The following IQCM variants were observed in gnomAD, a reference collection of about 807,000 sequenced individuals.
The protein encoded by IQCM is IQ domain-containing protein M.
In IQCM, 45 loss-of-function variants were observed where a neutral mutation model predicts 57.6. That is an observed-to-expected ratio of 0.78 (90% CI 0.62 to 1.00). IQCM has a LOEUF of 1.00. Ranked by LOEUF, IQCM falls within the 50% of genes least tolerant of loss-of-function variation. The pLI is 0.00. For missense variants in IQCM, 468 were observed against 511.6 expected, an observed-to-expected ratio of 0.91 and a Z score of 0.82; for synonymous variants, 148 against 158.9, an observed-to-expected ratio of 0.93 and a Z score of 0.51.
chr4:149,594,375 C>T (rs561378478), intron 8 of IQCM, among the ~76,000 whole-genome samples: 2 of 152,114 alleles, frequency 1.3e-5, no homozygotes, highest in African/African-American at 4.8e-5. Flanking sequence ...TGCTAGCGGT[C>T]TATCAATTTT....
intron 12 of IQCM, among the ~76,000 whole-genome samples, chr4:149,472,598 C>T (rs1326204605): frequency 2.6e-5 from 4 of 152,150 alleles, no homozygotes; most frequent in Non-Finnish European, 5.9e-5. Context: ...CAATGACTTT[C>T]TTCACAGAAT....
chr4:149,714,181 A>G (rs1052319449), intron 5 of IQCM, among the ~76,000 whole-genome samples: 33 of 151,830 alleles, frequency 2.2e-4, no homozygotes, highest in Admixed American at 2.2e-3. Context: ...TAGATCCAAC[A>G]CTCTCTGCTC....
At chr4:149,755,951 C>T (rs116924456) in intron 2 of IQCM, among the ~76,000 whole-genome samples, 4,892 of 152,124 alleles carry the variant, frequency 0.032, 401 homozygotes, top group East Asian at 0.23. Context: ...TACCAAAGTC[C>T]AAATGTAAAA....
intron 5 of IQCM, among the ~76,000 whole-genome samples, chr4:149,707,284 C>T (rs1275685962): frequency 2.0e-5 from 3 of 152,086 alleles, no homozygotes; most frequent in Non-Finnish European, 4.4e-5. Context: ...CACTGAGCCT[C>T]AACTTCCTCA....
intron 9 of IQCM, among the ~76,000 whole-genome samples, chr4:149,575,415 A>G (rs1354267855): frequency 1.3e-5 from 2 of 151,894 alleles, no homozygotes; most frequent in Non-Finnish European, 2.9e-5. Context: ...AAACCTGTTC[A>G]CTTCAAAAAT....
Position 149,361,992 on chromosome 4 carries a change from G to A in IQCM, c.1391-9926C>T, listed in dbSNP as rs560999233. On this transcript the variant is annotated intron_variant, in intron 13 of 13. Transcript: ENST00000636793. ...AAACCACAGGGATGGAGCTGCCCAAGACCATGGGAACCCACCTCTTGCATC... is the reference window on the plus strand; with the variant it reads ...AAACCACAGGGATGGAGCTGCCCAAAACCATGGGAACCCACCTCTTGCATC... Among the ~76,000 whole-genome samples, 6 of 152,242 alleles carry A rather than the reference G, an allele frequency of 3.9e-5. No individual in the cohort carries two copies. The East Asian group carries it at 1.2e-3, about 30-fold the overall frequency.
At chr4:149,709,642 T>C (rs1764413652) in intron 5 of IQCM, among the ~76,000 whole-genome samples, 1 of 152,114 alleles carries the variant, frequency 6.6e-6, no homozygotes, top group Admixed American at 6.6e-5. Flanking sequence ...GAACCAGACC[T>C]TGGTGTTTGA....
intron 13 of IQCM, among the ~76,000 whole-genome samples, chr4:149,361,657 T>C (rs1729497583): frequency 6.6e-6 from 1 of 152,148 alleles, no homozygotes; most frequent in African/African-American, 2.4e-5. Context: ...AAGTCAAGAA[T>C]TGAGGTGTGG....
intron 7 of IQCM, among the ~76,000 whole-genome samples, chr4:149,653,830 T>G (rs1759406903): frequency 1.3e-5 from 2 of 152,274 alleles, no homozygotes; most frequent in East Asian, 3.9e-4. Context: ...GTTATAATCT[T>G]GATGCCAAGA....
chr4:149,672,445 G>C (rs887119982), intron 7 of IQCM, among the ~76,000 whole-genome samples: 7 of 152,200 alleles, frequency 4.6e-5, no homozygotes, highest in African/African-American at 1.7e-4. Context: ...ACTTAATGGA[G>C]CTGAAAACTA....
At chr4:149,487,238 C>G (rs1741616617) in intron 12 of IQCM, among the ~76,000 whole-genome samples, 1 of 152,126 alleles carries the variant, frequency 6.6e-6, no homozygotes, top group African/African-American at 2.4e-5. Context: ...GGAACTAGAA[C>G]CTGGAACAGG....
chr4:149,596,134 G>A (rs2150021866), intron 8 of IQCM, among the ~76,000 whole-genome samples: 1 of 152,252 alleles, frequency 6.6e-6, no homozygotes, highest in South Asian at 2.1e-4. Flanking sequence ...TACACAGGCT[G>A]AAGAGAAGGA....
chr4:149,676,949 A>C (rs1166998564), intron 7 of IQCM, among the ~76,000 whole-genome samples: 2 of 152,018 alleles, frequency 1.3e-5, no homozygotes, highest in Non-Finnish European at 2.9e-5. Context: ...CAAACACAAA[A>C]ATTATGAACA....
At chr4:149,367,171 G>T (rs1300956184) in intron 13 of IQCM, among the ~76,000 whole-genome samples, 2 of 151,894 alleles carry the variant, frequency 1.3e-5, no homozygotes, top group Non-Finnish European at 2.9e-5. Context: ...TATGATTTCA[G>T]AAATGTTTAC....
chr4:149,376,816 C>T (rs76921275), intron 13 of IQCM, among the ~76,000 whole-genome samples: 191 of 152,238 alleles, frequency 1.3e-3, no homozygotes, highest in African/African-American at 4.5e-3. Flanking sequence ...AGATAATGAG[C>T]ACACACATCT....
At chr4:149,437,387 G>A (rs1735466530) in intron 12 of IQCM, among the ~76,000 whole-genome samples, 1 of 151,984 alleles carries the variant, frequency 6.6e-6, no homozygotes, top group African/African-American at 2.4e-5. Context: ...AAAGCCCTCA[G>A]GTCAAAACCA....
chr4:149,481,538 G>A (rs1273963810), intron 12 of IQCM, among the ~76,000 whole-genome samples: 2 of 151,404 alleles, frequency 1.3e-5, no homozygotes, highest in Non-Finnish European at 3.0e-5. Context: ...TATGTTCTTG[G>A]CTTGTCAAAA....
intron 8 of IQCM, among the ~76,000 whole-genome samples, chr4:149,608,320 T>C (rs1357659761): frequency 2.6e-5 from 4 of 151,834 alleles, no homozygotes; most frequent in East Asian, 3.9e-4. Flanking sequence ...CATAGCTGGG[T>C]ACATCAACAC....
intron 13 of IQCM, among the ~76,000 whole-genome samples, chr4:149,423,824 G>C (rs531284607): frequency 3.9e-4 from 59 of 151,892 alleles, no homozygotes; most frequent in African/African-American, 1.4e-3. Context: ...ACTGAATAAT[G>C]CCCTTATCTC....
Sources: gnomAD v4.1 joint callset for allele counts (sites outside exome capture counted in the v4.1 genomes callset) on GRCh38, gnomAD v4.1.1 for gene constraint, MANE v1.5 for transcripts, NCBI Gene and HGNC (gene_info 2026-07-23, HGNC 2026-07-21) for gene names.